The following DCC variants were observed in gnomAD, a reference collection of about 807,000 sequenced individuals.
DCC encodes the protein DCC netrin 1 receptor.
In DCC, 58 loss-of-function variants were observed where a neutral mutation model predicts 172.5. That is an observed-to-expected ratio of 0.34 (90% CI 0.27 to 0.42). The LOEUF is 0.42. DCC is among the 10% of genes least tolerant of loss of function. DCC has a pLI of 1.00. For missense variants in DCC, 1,740 were observed against 1,791.0 expected (o/e 0.97, Z 0.51); for synonymous variants, 709 against 644.5 (o/e 1.10, Z -1.52).
At chr18:52,741,948 G>T (rs1208528075) in intron 1 of DCC, among the ~76,000 whole-genome samples, 2 of 152,124 alleles carry the variant, frequency 1.3e-5, no homozygotes, top group African/African-American at 2.4e-5. Flanking sequence ...GATAATTAGG[G>T]TTAGACAAGA....
At chr18:53,523,645 A>G (rs2046424142) in intron 27 of DCC, among the ~76,000 whole-genome samples, 1 of 152,182 alleles carries the variant, frequency 6.6e-6, no homozygotes, top group Admixed American at 6.5e-5. Context: ...ATTCTCAGCA[A>G]ACTAACACAA....
At chr18:52,653,794 G>A (rs779852139) in intron 1 of DCC, among the ~76,000 whole-genome samples, 5 of 152,116 alleles carry the variant, frequency 3.3e-5, no homozygotes, top group Non-Finnish European at 7.3e-5. Context: ...ATTAATTTAT[G>A]CCTCTCAGCC....
chr18:53,095,380 A>G (rs2043071305), intron 7 of DCC, among the ~76,000 whole-genome samples: 1 of 152,188 alleles, frequency 6.6e-6, no homozygotes, highest in Non-Finnish European at 1.5e-5. Context: ...AGAGGGAAAA[A>G]TCTTTCAAAT....
chr18:52,826,681 G>A (rs1324123476), intron 2 of DCC, among the ~76,000 whole-genome samples: 1 of 151,934 alleles, frequency 6.6e-6, no homozygotes, highest in Non-Finnish European at 1.5e-5. Flanking sequence ...GTTTCACCAT[G>A]TTGCCCAGGC....
intron 7 of DCC, among the ~76,000 whole-genome samples, chr18:53,151,880 T>A (rs1568333528): frequency 6.6e-6 from 1 of 152,156 alleles, no homozygotes; most frequent in Non-Finnish European, 1.5e-5. Context: ...TGCTTCTTTT[T>A]TTGATAATTT....
At chr18:53,525,539 A>G (rs1426904003) in intron 27 of DCC, among the ~76,000 whole-genome samples, 2 of 152,134 alleles carry the variant, frequency 1.3e-5, no homozygotes, top group Non-Finnish European at 2.9e-5. Flanking sequence ...ACCAGCACCT[A>G]GCAGATTGCT....
chr18:53,174,446 AAAAGAG>A, intron 8 of DCC, among the ~76,000 whole-genome samples: 1 of 150,420 alleles, frequency 6.6e-6, no homozygotes, highest in Admixed American at 6.7e-5. Context: ...AATAAAGAAA[AAAAGAG>A]AGAAGAATCA....
chr18:52,924,920 T>C (rs2040177982), intron 4 of DCC, among the ~76,000 whole-genome samples: 1 of 152,034 alleles, frequency 6.6e-6, no homozygotes, highest in Non-Finnish European at 1.5e-5. Flanking sequence ...ACCACTTCTC[T>C]AGACCTCGAG....
chr18:53,286,378 G>A (rs1162956621), intron 12 of DCC, among the ~76,000 whole-genome samples: 3 of 152,086 alleles, frequency 2.0e-5, no homozygotes, highest in Non-Finnish European at 2.9e-5. Flanking sequence ...TTTTAAAAAT[G>A]GGAGTTTACC....
At chr18:53,301,248 C>A (rs1022862867) in intron 12 of DCC, among the ~76,000 whole-genome samples, 1 of 151,718 alleles carries the variant, frequency 6.6e-6, no homozygotes, top group Non-Finnish European at 1.5e-5. Flanking sequence ...CGCTACCACG[C>A]CTGGCTAATT....
At chr18:52,674,934 T>G (rs1255679921) in intron 1 of DCC, among the ~76,000 whole-genome samples, 2 of 152,172 alleles carry the variant, frequency 1.3e-5, no homozygotes. Context: ...AAGAAACATT[T>G]TACAGCCTAT....
chr18:52,505,476 A>T (rs2031195817), intron 1 of DCC, among the ~76,000 whole-genome samples: 1 of 152,180 alleles, frequency 6.6e-6, no homozygotes, highest in African/African-American at 2.4e-5. Context: ...TTTAGAACAA[A>T]ATATGTATTT....
chr18:52,983,922 C>T (rs533694720), intron 5 of DCC, among the ~76,000 whole-genome samples: 28 of 152,042 alleles, frequency 1.8e-4, no homozygotes, highest in African/African-American at 6.7e-4. Flanking sequence ...TTATTTTTTT[C>T]ATATGGCACT....
chr18:53,463,267 T>C (rs556687250), intron 24 of DCC, among the ~76,000 whole-genome samples: 1 of 152,312 alleles, frequency 6.6e-6, no homozygotes, highest in South Asian at 2.1e-4. Context: ...TAAGTTGATA[T>C]CTCTTAATAA....
intron 2 of DCC, among the ~76,000 whole-genome samples, chr18:52,848,833 G>A (rs2038934100): frequency 6.6e-6 from 1 of 152,092 alleles, no homozygotes; most frequent in Admixed American, 6.5e-5. Flanking sequence ...ATTTATCCAT[G>A]TATTCGTGTT....
At chr18:53,343,468 A>T (rs1314312344) in intron 15 of DCC, among the ~76,000 whole-genome samples, 1 of 151,576 alleles carries the variant, frequency 6.6e-6, no homozygotes, top group Non-Finnish European at 1.5e-5. Flanking sequence ...TTGATTTTTG[A>T]AGGGTAACCA....
intron 1 of DCC, among the ~76,000 whole-genome samples, chr18:52,393,270 G>A (rs1009887502): frequency 2.6e-5 from 4 of 152,112 alleles, no homozygotes; most frequent in South Asian, 4.2e-4. Context: ...TGGACCATAC[G>A]GAATCTCATG....
rs1330734994 is a variant in DCC, at chr18:52,610,396, A to AAAG, written c.92-141656_92-141655insGAA. 4.3e-5 allele frequency among the ~76,000 whole-genome samples: 6 copies of AAAG among 141,124 alleles called. No individual in the cohort carries two copies. In the East Asian group the frequency reaches 1.0e-3, roughly 24 times the overall value. The allele number at this position is 141,124 out of a possible 152,430, so 92.6% of individuals were successfully genotyped here. ...CTCTGTCTCAACAAAAAAAAAAAAA[A>AAAG]AAAAAAAAAAAGAAAAAGAAAAAGA... On this transcript the variant is annotated intron_variant, in intron 1 of 28. Transcript: ENST00000442544.
intron 5 of DCC, among the ~76,000 whole-genome samples, chr18:53,043,680 A>G (rs1329025546): frequency 1.8e-4 from 27 of 151,932 alleles, no homozygotes; most frequent in Non-Finnish European, 2.9e-5. Context: ...TACATTTCAA[A>G]GATGACTTTA....
Sources: allele counts gnomAD v4.1 joint callset (sites outside exome capture counted in the v4.1 genomes callset), GRCh38; gene constraint gnomAD v4.1.1; transcripts MANE v1.5; gene names NCBI Gene and HGNC (gene_info 2026-07-23, HGNC 2026-07-21).